KAZN: variants seen among roughly 807,000 people sequenced by gnomAD.
KAZN encodes kazrin, periplakin interacting protein.
In KAZN, 40 loss-of-function variants were observed where a neutral mutation model predicts 87.4. The ratio of observed to expected loss-of-function variants is 0.46; its 90% CI spans 0.36 to 0.60. The LOEUF (loss-of-function observed/expected upper bound fraction) is 0.60, where lower values mean the gene tolerates loss of function less well. Ranked by LOEUF, KAZN falls within the 20% of genes least tolerant of loss-of-function variation. The pLI is 0.00. For synonymous variants in KAZN, 466 were observed against 458.3 expected (o/e 1.02, Z -0.22); for missense variants, 898 against 1,073.9 (o/e 0.84, Z 2.29).
intron 2 of KAZN, among the ~76,000 whole-genome samples, chr1:14,183,845 G>A (rs1044313890): frequency 1.3e-5 from 2 of 152,050 alleles, no homozygotes; most frequent in Non-Finnish European, 2.9e-5. Flanking sequence ...GTGCACCTAG[G>A]GGCTTCCTTC....
At chr1:14,846,257 C>T (rs1648749711) in intron 1 of KAZN, among the ~76,000 whole-genome samples, 1 of 152,156 alleles carries the variant, frequency 6.6e-6, no homozygotes, top group African/African-American at 2.4e-5. Flanking sequence ...AATAAAGAAG[C>T]CTGTTGAATC....
chr1:13,949,531 G>T (rs765877256), intron 1 of KAZN, among the ~76,000 whole-genome samples: 1 of 117,200 alleles, frequency 8.5e-6, no homozygotes, highest in Non-Finnish European at 1.9e-5. Flanking sequence ...GTGTGACGAG[G>T]TGTTTTTAGG....
At position 14,098,873 on chromosome 1, in the gene KAZN, C is replaced by T. The variant is rs575691892; in HGVS notation, c.92-81562C>T. On this transcript the variant is annotated intron_variant, in intron 1 of 16. Coordinates refer to the KAZN transcript ENST00000636203. Reference sequence around the variant, plus strand: ...TTCTGCTTCCACCCTCCCTGGGGAACAGATGGGGCCCATGTTGGCACCCAC... The same window carrying T: ...TTCTGCTTCCACCCTCCCTGGGGAATAGATGGGGCCCATGTTGGCACCCAC... Among the ~76,000 whole-genome samples the T allele has an allele frequency of 5.3e-5, 8 of 152,254 alleles. No homozygotes were observed. The South Asian group carries it at 1.2e-3, about 24-fold the overall frequency.
chr1:14,467,775 C>G (rs912011662), intron 2 of KAZN, among the ~76,000 whole-genome samples: 2 of 150,458 alleles, frequency 1.3e-5, no homozygotes, highest in African/African-American at 2.4e-5. Context: ...CCTAAGGTTT[C>G]TTCTCTGTTA....
intron 1 of KAZN, among the ~76,000 whole-genome samples, chr1:14,871,648 C>CGGTGTGTGTG (rs1652144271): frequency 2.1e-5 from 1 of 48,410 alleles, no homozygotes; most frequent in Non-Finnish European, 4.7e-5. Context: ...ACATGAGCAG[C>CGGTGTGTGTG]AGTGTGTGTG....
intron 1 of KAZN, among the ~76,000 whole-genome samples, chr1:14,860,713 A>G (rs1650736783): frequency 6.6e-6 from 1 of 152,208 alleles, no homozygotes; most frequent in East Asian, 1.9e-4. Flanking sequence ...ACATATACCT[A>G]CCTTATATGT....
At chr1:14,827,448 A>T (rs1450158654) in intron 1 of KAZN, among the ~76,000 whole-genome samples, 1 of 152,086 alleles carries the variant, frequency 6.6e-6, no homozygotes, top group South Asian at 2.1e-4. Context: ...CCATCATATC[A>T]TTCTTAGGCC....
intron 8 of KAZN, among the ~76,000 whole-genome samples, chr1:15,069,429 A>G (rs1057297034): frequency 1.3e-5 from 2 of 152,300 alleles, no homozygotes; most frequent in African/African-American, 2.4e-5. Flanking sequence ...TCATCCTGGG[A>G]CCTTCTCAAG....
intron 8 of KAZN, among the ~76,000 whole-genome samples, chr1:15,089,732 C>CAAAA (rs56260619): frequency 4.5e-4 from 31 of 68,916 alleles, no homozygotes; most frequent in Non-Finnish European, 5.5e-4. Context: ...CTTTTATTGG[C>CAAAA]AAAAAAAAAA....
intron 1 of KAZN, among the ~76,000 whole-genome samples, chr1:14,009,685 T>C (rs1640197765): frequency 6.6e-6 from 1 of 152,166 alleles, no homozygotes; most frequent in Non-Finnish European, 1.5e-5. Flanking sequence ...TCCTGACCAC[T>C]CCCCCATATC....
At chr1:14,848,247 C>T (rs1384950267) in intron 1 of KAZN, among the ~76,000 whole-genome samples, 2 of 152,120 alleles carry the variant, frequency 1.3e-5, no homozygotes, top group Non-Finnish European at 2.9e-5. Context: ...TCTCCTTCTC[C>T]CCAAGATGAT....
chr1:14,838,505 A>T (rs182554883), intron 1 of KAZN, among the ~76,000 whole-genome samples: 284 of 152,290 alleles, frequency 1.9e-3, no homozygotes, highest in African/African-American at 6.7e-3. Flanking sequence ...CCTCTTGCTA[A>T]CTTTATCTCC....
intron 1 of KAZN, among the ~76,000 whole-genome samples, chr1:13,895,510 G>A (rs543994828): frequency 6.6e-6 from 1 of 152,072 alleles, no homozygotes; most frequent in African/African-American, 2.4e-5. Flanking sequence ...GAATAATAAT[G>A]ACCAGCAGTC....
chr1:14,001,774 G>T (rs1639803465), intron 1 of KAZN, among the ~76,000 whole-genome samples: 1 of 152,168 alleles, frequency 6.6e-6, no homozygotes, highest in African/African-American at 2.4e-5. Context: ...TCAATAAATG[G>T]TGCTCAGAAA....
chr1:14,393,375 CA>C (rs1386544158), intron 2 of KAZN, among the ~76,000 whole-genome samples: 1 of 152,096 alleles, frequency 6.6e-6, no homozygotes, highest in African/African-American at 2.4e-5. Flanking sequence ...CAGTATGTAG[CA>C]AGAATAAAAG....
At chr1:15,063,687 T>G in intron 7 of KAZN, 65 bp downstream of exon 7, 1 of 1,292,800 alleles carries the variant, frequency 7.7e-7, no homozygotes, top group Non-Finnish European at 1.1e-6. Context: ...AACTTCACCC[T>G]CTGTTCCCCT....
intron 1 of KAZN, among the ~76,000 whole-genome samples, chr1:13,920,980 C>G (rs1281560460): frequency 2.0e-5 from 3 of 152,094 alleles, no homozygotes; most frequent in African/African-American, 7.2e-5. Context: ...CACATAGCAT[C>G]TGGAAAGGCA....
intron 1 of KAZN, among the ~76,000 whole-genome samples, chr1:14,038,014 C>T (rs1030445706): frequency 1.3e-5 from 2 of 152,182 alleles, no homozygotes; most frequent in Non-Finnish European, 2.9e-5. Flanking sequence ...CAACCACCCA[C>T]CTGTCCATCC....
intron 2 of KAZN, among the ~76,000 whole-genome samples, chr1:14,320,245 C>G (rs1034076862): frequency 6.6e-5 from 10 of 152,122 alleles, no homozygotes; most frequent in African/African-American, 2.4e-4. Flanking sequence ...CACACAGAAG[C>G]TCTTCACCAA....
Sources: gnomAD v4.1 joint callset for allele counts (sites outside exome capture counted in the v4.1 genomes callset) on GRCh38, gnomAD v4.1.1 for gene constraint, MANE v1.5 for transcripts, NCBI Gene and HGNC (gene_info 2026-07-23, HGNC 2026-07-21) for gene names.